Variants in TCF20 observed in about 807,000 individuals in gnomAD.
TCF20 encodes SPRE-binding protein.
TCF20 carries 3 observed loss-of-function variants against 148.6 expected under a neutral mutation model. The ratio of observed to expected loss-of-function variants is 0.02; its 90% CI spans 0.01 to 0.05. The LOEUF (loss-of-function observed/expected upper bound fraction) is 0.05, where lower values mean the gene tolerates loss of function less well. Ranked by LOEUF, TCF20 falls within the 10% of genes least tolerant of loss-of-function variation. The pLI, the probability that TCF20 is intolerant of heterozygous loss-of-function variation, is 1.00. For missense variants in TCF20, 2,350 were observed against 2,429.3 expected (o/e 0.97, Z 0.69); for synonymous variants, 1,049 against 909.5 (o/e 1.15, Z -2.76).
In TCF20 at chr22:42,174,042, C is replaced by G. The variant is rs548513059; in HGVS notation, c.5750-4146G>C. 7.9e-5 allele frequency among the ~76,000 whole-genome samples: 12 copies of G among 152,288 alleles called. No individual in the cohort carries two copies. The South Asian group carries it at 2.5e-3, about 32-fold the overall frequency. Reference sequence around the variant, plus strand: ...CTAATAATGAGGGTCCTGCGCTTCTCTGCTGGTGGGCTGGGGTGACAACCT... The same window carrying G: ...CTAATAATGAGGGTCCTGCGCTTCTGTGCTGGTGGGCTGGGGTGACAACCT... On this transcript the variant is annotated intron_variant, in intron 3 of 5. Coordinates refer to ENST00000677622, the MANE Select transcript of TCF20 (RefSeq NM_001378418.1).
intron 1 of TCF20, among the ~76,000 whole-genome samples, chr22:42,225,934 A>G (rs768078008): frequency 3.2e-4 from 48 of 152,240 alleles, no homozygotes; most frequent in Non-Finnish European, 6.9e-4. Flanking sequence ...TCCAACCCAC[A>G]GTCGGCAGGC....
At chr22:42,263,774 T>A (rs927110328) in intron 1 of TCF20, among the ~76,000 whole-genome samples, 1 of 152,248 alleles carries the variant, frequency 6.6e-6, no homozygotes, top group East Asian at 1.9e-4. Context: ...TGGAACTACA[T>A]AGGCTTTTTC....
chr22:42,276,126 A>G (rs1283279182), intron 1 of TCF20, among the ~76,000 whole-genome samples: 1 of 152,206 alleles, frequency 6.6e-6, no homozygotes, highest in Non-Finnish European at 1.5e-5. Flanking sequence ...GCAGTGCCAC[A>G]TGCTGAGGCA....
Position 42,299,861 on chromosome 22 carries a change from G to C in TCF20, c.-37+43618C>G, listed in dbSNP as rs888485808. Among the ~76,000 whole-genome samples, 1 of 151,034 alleles carries C rather than the reference G, an allele frequency of 6.6e-6. No individual in the cohort carries two copies. On this transcript the variant is annotated intron_variant, in intron 1 of 1. Transcript: ENST00000515426. This position sits in a 1 kb window ranked among gnomAD's most constrained non-coding sequence, Gnocchi z 4.1. ...AGAAGGAAGCGGAGGGGAGGAGGGA[G>C]GAGGGAAAAGACAGAAAGGGGTAGA...
chr22:42,169,972 C>T, intron 3 of TCF20, 76 bp from the exon 4 acceptor site: 3 of 1,466,006 alleles, frequency 2.0e-6, no homozygotes, highest in South Asian at 1.1e-5. Context: ...CTGGGATTGA[C>T]AGGGTCAGAC....
intron 1 of TCF20, among the ~76,000 whole-genome samples, chr22:42,220,642 C>T: frequency 6.6e-6 from 1 of 152,192 alleles, no homozygotes; most frequent in East Asian, 1.9e-4. Flanking sequence ...CCCATCTCCA[C>T]CCTACTCTAT....
intron 1 of TCF20, among the ~76,000 whole-genome samples, chr22:42,240,343 AAC>A: frequency 6.6e-6 from 1 of 152,326 alleles, no homozygotes. Context: ...CAGGCATCTT[AAC>A]AGTGTCACAC....
chr22:42,209,774 T>A lies in TCF20; in HGVS notation c.5532A>T (p.Glu1844Asp), dbSNP rs1469735386. ...AAAATTCATTGCTGTCAAGAGGTAGTTCAGGGATTTGTAACTCCAGCTCAG... is the reference window on the plus strand; with the variant it reads ...AAAATTCATTGCTGTCAAGAGGTAGATCAGGGATTTGTAACTCCAGCTCAG... Reference protein sequence around the residue: ...GGPELELQIPELPLDSNEFWV... With the variant: ...GGPELELQIPDLPLDSNEFWV... Residue 1844 changes from glutamate to aspartate, a missense_variant, in exon 2 of 6, where the codon GAA (glutamate) becomes GAT (aspartate). Glu to Asp is a conservative substitution (Grantham distance 45, BLOSUM62 2). Around this residue, in one of 7 missense-constraint regions of TCF20, gnomAD observed 374 missense variants for 398.3 expected, o/e 0.94. Coordinates refer to ENST00000677622, the MANE Select transcript of TCF20 (RefSeq NM_001378418.1). 1 of 1,614,120 alleles carries A rather than the reference T, an allele frequency of 6.2e-7. No individual in the cohort carries two copies. Among genetic ancestry groups the A allele is most frequent in the Non-Finnish European group, 8.5e-7 (1 of 1,180,026 alleles).
At position 42,277,850 on chromosome 22, in the gene TCF20, A is replaced by T. The variant is rs134886; in HGVS notation, c.-37+5977T>A. Among the ~76,000 whole-genome samples, 102 of 152,024 alleles carry T rather than the reference A, an allele frequency of 6.7e-4. 1 individual carries two copies. The highest frequency in any genetic ancestry group is 7.6e-4 in the Non-Finnish European group (52 of 68,008). On this transcript the variant is annotated intron_variant, in intron 1 of 5. Coordinates refer to the TCF20 transcript ENST00000359486. ...ATCAGGGTTTTGGATGTGAGTTTCC[A>T]TATCCCTCTTCCTAGGCCAAGCTCT...
At chr22:42,282,906 C>A (rs1225279650) in intron 1 of TCF20, among the ~76,000 whole-genome samples, 1 of 152,202 alleles carries the variant, frequency 6.6e-6, no homozygotes, top group Admixed American at 6.5e-5. Context: ...TAAAGCCCCA[C>A]GCCGCCCAGC....
intron 1 of TCF20, among the ~76,000 whole-genome samples, chr22:42,221,053 C>CCT (rs1569160499): frequency 6.6e-6 from 1 of 152,212 alleles, no homozygotes; most frequent in Non-Finnish European, 1.5e-5. Context: ...TCCAAGCTCT[C>CCT]CTCTGCAGAT....
At chr22:42,312,789 C>G (rs1927559539) in intron 1 of TCF20, among the ~76,000 whole-genome samples, 1 of 152,132 alleles carries the variant, frequency 6.6e-6, no homozygotes, top group African/African-American at 2.4e-5. Context: ...CCTGGAAGCT[C>G]ATAGAGTATC....
At chr22:42,327,568 A>G (rs1031588355) in intron 1 of TCF20, among the ~76,000 whole-genome samples, 1 of 152,074 alleles carries the variant, frequency 6.6e-6, no homozygotes, top group African/African-American at 2.4e-5. Flanking sequence ...CACTTCACAC[A>G]CATTCCCACA....
At chr22:42,241,652 C>T (rs1924413362) in intron 1 of TCF20, among the ~76,000 whole-genome samples, 1 of 152,096 alleles carries the variant, frequency 6.6e-6, no homozygotes, top group Non-Finnish European at 1.5e-5. Flanking sequence ...CATGGTGAAA[C>T]TCCATCTCTA....
chr22:42,316,285 A>G (rs1021620382), intron 1 of TCF20, among the ~76,000 whole-genome samples: 3 of 152,096 alleles, frequency 2.0e-5, no homozygotes, highest in African/African-American at 7.2e-5. Flanking sequence ...AAGTGCCTGC[A>G]GGCTTCCAGG....
intron 1 of TCF20, among the ~76,000 whole-genome samples, chr22:42,235,966 G>C (rs1923846250): frequency 6.6e-6 from 1 of 152,192 alleles, no homozygotes; most frequent in African/African-American, 2.4e-5. Flanking sequence ...GGCCGAGGCA[G>C]GCAGATCACT....
intron 2 of TCF20, among the ~76,000 whole-genome samples, chr22:42,199,607 G>A (rs1486272731): frequency 2.7e-5 from 4 of 149,144 alleles, no homozygotes; most frequent in Non-Finnish European, 5.9e-5. Context: ...TGGTGGCTCA[G>A]GCCTGTAATC....
intron 1 of TCF20, among the ~76,000 whole-genome samples, chr22:42,221,269 A>T (rs1420055358): frequency 6.6e-6 from 1 of 152,220 alleles, no homozygotes; most frequent in Non-Finnish European, 1.5e-5. Context: ...TCAGTATGAA[A>T]TCATCAGGAA....
intron 2 of TCF20, among the ~76,000 whole-genome samples, chr22:42,191,310 G>C (rs9611753): frequency 6.6e-6 from 1 of 152,008 alleles, no homozygotes; most frequent in African/African-American, 2.4e-5. Context: ...TTATTTTTTA[G>C]ATGGAGTCTC....
Sources: allele counts gnomAD v4.1 joint callset (sites outside exome capture counted in the v4.1 genomes callset), GRCh38; gene constraint gnomAD v4.1.1; regional missense constraint gnomAD v4.1.1; non-coding constraint Gnocchi (gnomAD v3.1); transcripts MANE v1.5; gene names NCBI Gene and HGNC (gene_info 2026-07-23, HGNC 2026-07-21).